TRPM1: variants seen among roughly 807,000 people sequenced by gnomAD.
TRPM1 encodes the protein transient receptor potential cation channel subfamily M member 1, also known as TRPM1-203 APA Isoform, Intron 10.
A neutral mutation model predicts 149.4 loss-of-function variants in TRPM1; 113 were observed. The ratio of observed to expected loss-of-function variants is 0.76; its 90% CI spans 0.65 to 0.88. TRPM1 has a LOEUF of 0.88. Among genes scored for constraint, TRPM1 ranks in the 40% least tolerant of loss-of-function variants. The pLI is 0.00. For synonymous variants in TRPM1, 741 were observed against 759.5 expected (o/e 0.98, Z 0.40); for missense variants, 1,976 against 2,038.7 (o/e 0.97, Z 0.59).
chr15:31,017,886 A>G (rs1357268407), intron 27 of TRPM1, among the ~76,000 whole-genome samples: 1 of 152,134 alleles, frequency 6.6e-6, no homozygotes, highest in Non-Finnish European at 1.5e-5. Flanking sequence ...ACTTTATTGG[A>G]CTTTGCATAG....
chr15:31,054,531 G>A (rs2034033968), intron 11 of TRPM1, among the ~76,000 whole-genome samples: 1 of 152,140 alleles, frequency 6.6e-6, no homozygotes, highest in South Asian at 2.1e-4. Context: ...CTGACCTCAG[G>A]TGATCCACCC....
At chr15:31,088,785 C>G (rs115049351) in intron 1 of TRPM1, among the ~76,000 whole-genome samples, 3,686 of 138,100 alleles carry the variant, frequency 0.027, 164 homozygotes, top group African/African-American at 0.096. Flanking sequence ...TATCAAACAC[C>G]TGAACGTTCT....
chr15:31,050,577 C>T lies in TRPM1; in HGVS notation c.1269G>A (p.Leu423=). 1 of 1,614,072 alleles carries T rather than the reference C, an allele frequency of 6.2e-7. No homozygotes were observed. The highest frequency in any genetic ancestry group is 8.5e-7 in the Non-Finnish European group (1 of 1,180,012). The change falls in exon 12 of 28, where the codon CTG becomes CTA. Residue 423 remains leucine (L), a synonymous_variant. Coordinates refer to ENST00000256552, the MANE Select transcript of TRPM1 (RefSeq NM_001252024.2). The part of the protein sequence containing the change: ...IFVFGPHWPP[L]GSLAPPTDSK... ...TGTCCGTCGGGGGTGCCAGGCTTCC[C>T]AGGGGCTGCAGTCCACAGCAATCAG...
intron 1 of TRPM1, among the ~76,000 whole-genome samples, chr15:31,139,317 G>A (rs1031312194): frequency 2.0e-5 from 3 of 152,150 alleles, no homozygotes; most frequent in African/African-American, 7.2e-5. Context: ...CCTGCCTTTG[G>A]ATGTACAAAT....
rs774018226 is a variant in TRPM1 at position 31,067,093 on chromosome 15, C to T, written c.588G>A (p.Val196=). 1 of 1,614,150 alleles carries T rather than the reference C, an allele frequency of 6.2e-7. No individual in the cohort carries two copies. The highest frequency in any genetic ancestry group is 8.5e-7 in the Non-Finnish European group (1 of 1,180,024). ...CAIGIAPWGI[V]ENKEDLVGKD... ...TTCCAACCAGGTCTTCCTTATTCTC[C>T]ACGATGCCCCATGGAGCAATTCCTA... The change falls in exon 6 of 28, where the codon GTG becomes GTA. Residue 196 remains valine, a synonymous_variant. Transcript: ENST00000256552.
At chr15:31,100,520 G>A (rs117836080) in intron 1 of TRPM1, among the ~76,000 whole-genome samples, 2 of 151,862 alleles carry the variant, frequency 1.3e-5, no homozygotes, top group Non-Finnish European at 2.9e-5. Context: ...CTAATAAAAA[G>A]TACAAAAGAT....
At chr15:31,016,402 C>T (rs558863311) in intron 27 of TRPM1, among the ~76,000 whole-genome samples, 15 of 152,150 alleles carry the variant, frequency 9.9e-5, no homozygotes, top group Non-Finnish European at 2.2e-4. Context: ...GATTATCTTC[C>T]TTTCCCTCTA....
chr15:31,063,372 G>A (rs2034288917), intron 7 of TRPM1, 80 bp from the exon 8 acceptor site: 1 of 1,570,950 alleles, frequency 6.4e-7, no homozygotes. Flanking sequence ...GAAGTATGGG[G>A]AAGAGTAAAA....
chr15:31,016,475 A>T (rs2032357380), intron 27 of TRPM1, among the ~76,000 whole-genome samples: 1 of 152,176 alleles, frequency 6.6e-6, no homozygotes. Flanking sequence ...TGCTATAAAT[A>T]GCTCCACTAG....
chr15:31,160,004 T>C (rs1413765255), intron 1 of TRPM1, among the ~76,000 whole-genome samples: 1 of 151,928 alleles, frequency 6.6e-6, no homozygotes, highest in Non-Finnish European at 1.5e-5. Context: ...CTCTGCCAGC[T>C]CCCTTGCTGC....
chr15:31,146,989 A>G (rs2141057402), intron 1 of TRPM1, among the ~76,000 whole-genome samples: 1 of 148,478 alleles, frequency 6.7e-6, no homozygotes, highest in East Asian at 2.0e-4. Context: ...TTCTGTCTCA[A>G]AAAAAAAAAA....
chr15:31,110,365 G>T (rs1358499895), intron 1 of TRPM1, among the ~76,000 whole-genome samples: 1 of 152,072 alleles, frequency 6.6e-6, no homozygotes, highest in African/African-American at 2.4e-5. Flanking sequence ...ACTAGATTAG[G>T]CAAAGACATA....
chr15:31,088,197 C>T (rs988561408), intron 1 of TRPM1, among the ~76,000 whole-genome samples: 1 of 152,076 alleles, frequency 6.6e-6, no homozygotes, highest in Admixed American at 6.6e-5. Context: ...GCTGTAAAAA[C>T]GGACCAATCA....
At chr15:31,048,829 T>A (rs2033856063) in intron 13 of TRPM1, among the ~76,000 whole-genome samples, 1 of 152,006 alleles carries the variant, frequency 6.6e-6, no homozygotes, top group East Asian at 1.9e-4. Context: ...CAAAAAAAAA[T>A]TCACCAAGTT....
Position 31,063,264 on chromosome 15 carries a change from A to T in TRPM1, c.819T>A (p.Gly273=). 1 of 1,613,994 alleles carries T rather than the reference A, an allele frequency of 6.2e-7. No individual in the cohort carries two copies. The highest frequency in any genetic ancestry group is 8.5e-7 in the Non-Finnish European group (1 of 1,179,972). ...CGTTAGGGCCCCCCTCCACCACGAG[A>T]CCCACGAGGGGCACGCCCTGCCCCA... ...TRLGQGVPLV[G]LVVEGGPNVV... Residue 273 remains glycine (G), a synonymous_variant, in exon 8 of 28, where the codon GGT becomes GGA. Coordinates refer to ENST00000256552, the MANE Select transcript of TRPM1 (RefSeq NM_001252024.2).
intron 1 of TRPM1, among the ~76,000 whole-genome samples, chr15:31,132,315 A>G (rs1056637670): frequency 1.1e-4 from 17 of 152,116 alleles, no homozygotes; most frequent in African/African-American, 3.9e-4. Context: ...CAGGCCCTGC[A>G]CCCTGAAAGC....
At position 31,028,386 on chromosome 15, in the gene TRPM1, C is replaced by T; in HGVS notation, c.3239G>A (p.Cys1080Tyr). Residue 1080 changes from cysteine (C) to tyrosine (Y), a missense_variant, in exon 25 of 28, where the codon TGC becomes TAC. Cys to Tyr is a radical substitution (Grantham distance 194). Coordinates refer to ENST00000256552, the MANE Select transcript of TRPM1 (RefSeq NM_001252024.2). ...CAGGATGTTGGCGACCAGTAGATAGCACGCCATGAGTGCTGGAGTGAGCCA... is the reference window on the plus strand; with the variant it reads ...CAGGATGTTGGCGACCAGTAGATAGTACGCCATGAGTGCTGGAGTGAGCCA... ...GAWLTPALMA[C>Y]YLLVANILLV... The T allele has an allele frequency of 6.2e-7, 1 of 1,614,096 alleles. No individual in the cohort carries two copies. Among genetic ancestry groups the T allele is most frequent in the East Asian group, 2.2e-5 (1 of 44,884 alleles).
intron 16 of TRPM1, among the ~76,000 whole-genome samples, chr15:31,043,920 C>A (rs371772869): frequency 2.0e-4 from 31 of 151,806 alleles, no homozygotes; most frequent in African/African-American, 5.6e-4. Context: ...GGGAAAAAAA[C>A]CAATAAAATA....
At chr15:31,102,848 T>C (rs534498726), upstream of TRPM1, among the ~76,000 whole-genome samples, 2 of 152,350 alleles carry the variant, frequency 1.3e-5, no homozygotes, top group East Asian at 3.9e-4. Flanking sequence ...GCACAGCCCC[T>C]GGGCGCACAA....
Sources: gnomAD v4.1 joint callset for allele counts (sites outside exome capture counted in the v4.1 genomes callset) on GRCh38, gnomAD v4.1.1 for gene constraint, MANE v1.5 for transcripts, NCBI Gene and HGNC (gene_info 2026-07-23, HGNC 2026-07-21) for gene names.